Variants in DNAJC11 observed in about 807,000 individuals in gnomAD.
DNAJC11 encodes dnaJ homolog subfamily C member 11.
In DNAJC11, 15 loss-of-function variants were observed where a neutral mutation model predicts 78.6. The observed-to-expected ratio is 0.19, with a 90% CI of 0.13 to 0.29. The LOEUF (loss-of-function observed/expected upper bound fraction) is 0.29. Ranked by LOEUF, DNAJC11 falls within the 10% of genes least tolerant of loss-of-function variation. The pLI, the probability that DNAJC11 is intolerant of heterozygous loss-of-function variation, is 1.00. For synonymous variants in DNAJC11, 292 were observed against 272.1 expected (o/e 1.07, Z -0.72); for missense variants, 547 against 709.6 (o/e 0.77, Z 2.60).
At chr1:6,647,504 C>A (rs894524915) in intron 7 of DNAJC11, among the ~76,000 whole-genome samples, 2 of 152,138 alleles carry the variant, frequency 1.3e-5, no homozygotes, top group Admixed American at 6.6e-5. Flanking sequence ...CCATAACTAA[C>A]CTGGCCACTA....
intron 3 of DNAJC11, among the ~76,000 whole-genome samples, chr1:6,676,362 G>C (rs906503462): frequency 9.2e-5 from 14 of 152,138 alleles, no homozygotes; most frequent in Non-Finnish European, 1.0e-4. Flanking sequence ...TTAGCAACTA[G>C]AATTCACTGT....
Position 6,653,250 on chromosome 1 carries a change from T to C in DNAJC11, c.508-299A>G, listed in dbSNP as rs534934138. ...GTATCAGATAGCACAGTGACTTCAC[T>C]GTGTGCCTTCCCTCTGTGGTTTGCC... On this transcript the variant is annotated intron_variant, in intron 5 of 15. Transcript: ENST00000377577. This position sits in a 1 kb window ranked among gnomAD's most constrained non-coding sequence, Gnocchi z 4.5. Among the ~76,000 whole-genome samples, 1 of 152,310 alleles carries C rather than the reference T, an allele frequency of 6.6e-6. No homozygotes were observed. Among genetic ancestry groups the C allele is most frequent in the Non-Finnish European group, 1.5e-5 (1 of 68,030 alleles).
chr1:6,700,923 A>G (rs1407269318), intron 1 of DNAJC11, among the ~76,000 whole-genome samples: 1 of 152,182 alleles, frequency 6.6e-6, no homozygotes, highest in Non-Finnish European at 1.5e-5. Context: ...CTCGCCCTTC[A>G]CACCTATCTC....
At chr1:6,650,980 C>A (rs183815248) in intron 7 of DNAJC11, 1 of 496,944 alleles carries the variant, frequency 2.0e-6, no homozygotes, top group East Asian at 5.7e-5. Context: ...TCCACCAATT[C>A]TTTTATCTGA....
Position 6,635,436 on chromosome 1 carries a change from G to C in DNAJC11, c.*239C>G, listed in dbSNP as rs1570256977. 4.0e-6 allele frequency: 2 copies of C among 505,966 alleles called. No homozygotes were observed. Among genetic ancestry groups the C allele is most frequent in the South Asian group, 5.2e-5 (2 of 38,792 alleles). 31.3% of individuals were successfully genotyped at this position (505,966 alleles called of 1,614,324 possible). ...CTTCCCTCCAGGAACTGATCCTTGG[G>C]AAAACAGCCATGGGCCAGGCTGCAG... On this transcript the variant is annotated 3_prime_UTR_variant, in exon 16 of 16. Transcript: ENST00000377577.
chr1:6,634,678 C>A lies in DNAJC11; in HGVS notation c.*997G>T, dbSNP rs757828579. 33 of 1,366,194 alleles carry A rather than the reference C, an allele frequency of 2.4e-5. No homozygotes were observed. Among genetic ancestry groups the A allele is most frequent in the Non-Finnish European group, 3.1e-5 (32 of 1,021,788 alleles). 84.6% of individuals were successfully genotyped at this position (1,366,194 alleles called of 1,614,324 possible). On this transcript the variant is annotated 3_prime_UTR_variant, in exon 16 of 16. Coordinates refer to ENST00000377577, the MANE Select transcript of DNAJC11 (RefSeq NM_018198.4). Reference sequence around the variant, plus strand: ...GTCCTAGCTCCGCTGCATTCTGCATCCCAAGTGGGCACGTGGAGGAAGGGT... The same window carrying A: ...GTCCTAGCTCCGCTGCATTCTGCATACCAAGTGGGCACGTGGAGGAAGGGT...
rs1642318349 is a variant in DNAJC11, at chr1:6,667,997, C to T, written c.277-187G>A. 3 of 601,282 alleles carry T rather than the reference C, an allele frequency of 5.0e-6. No homozygotes were observed. The South Asian group carries it at 6.3e-5, about 13-fold the overall frequency. The allele number at this position is 601,282 out of a possible 1,614,324, so 37.2% of individuals were successfully genotyped here. On this transcript the variant is annotated intron_variant, in intron 3 of 15. Coordinates refer to ENST00000377577, the MANE Select transcript of DNAJC11 (RefSeq NM_018198.4). ...TGGCTCAGGCCTGGGTGAGGGAGAG[C>T]TCACTGCCCTCCTGGCCCTTCCCAA...
At chr1:6,642,922 G>A (rs183980293) in intron 10 of DNAJC11, among the ~76,000 whole-genome samples, 3 of 152,336 alleles carry the variant, frequency 2.0e-5, no homozygotes, top group Admixed American at 1.3e-4. Context: ...AGAGCCATGA[G>A]GCTGGACATG....
chr1:6,688,418 T>C (rs1244285864), intron 1 of DNAJC11, among the ~76,000 whole-genome samples: 3 of 152,210 alleles, frequency 2.0e-5, no homozygotes, highest in Admixed American at 6.5e-5. Flanking sequence ...TAGCAAATAC[T>C]TATCCCTTCA....
intron 12 of DNAJC11, 193 bp from the exon 13 acceptor site, chr1:6,637,697 C>T (rs545503599): frequency 1.1e-5 from 7 of 638,212 alleles, no homozygotes; most frequent in Non-Finnish European, 1.9e-5. Context: ...GGGCAGGCAG[C>T]TCTGGGTCAG....
chr1:6,662,066 C>T (rs1242025415), intron 4 of DNAJC11, among the ~76,000 whole-genome samples: 70 of 151,944 alleles, frequency 4.6e-4, no homozygotes, highest in African/African-American at 1.6e-3. Context: ...TTCCTCCTGC[C>T]TCAGCCTCCC....
At position 6,635,493 on chromosome 1, in the gene DNAJC11, C is replaced by G. The variant is rs938250072; in HGVS notation, c.*182G>C. 22 of 652,294 alleles carry G rather than the reference C, an allele frequency of 3.4e-5. No individual in the cohort carries two copies. In the South Asian group the frequency reaches 4.4e-4, roughly 13 times the overall value. 40.4% of individuals were successfully genotyped at this position (652,294 alleles called of 1,614,324 possible). A position where few individuals can be genotyped will look rare whatever the true frequency, so the allele number is the denominator to read the frequency against. ...TCCCAGTGGGGCTGCCTCAGTCCTA[C>G]CCCCAGCACCCTCAAAAGCTGGGGT... is the stretch of plus-strand genomic sequence containing the variant. On this transcript the variant is annotated 3_prime_UTR_variant, in exon 16 of 16. Transcript: ENST00000377577.
chr1:6,656,898 A>G (rs796354258), intron 4 of DNAJC11, among the ~76,000 whole-genome samples: 8 of 152,272 alleles, frequency 5.3e-5, no homozygotes, highest in African/African-American at 1.9e-4. Context: ...CCTGGGTGAT[A>G]GTATGAGACC....
intron 11 of DNAJC11, among the ~76,000 whole-genome samples, chr1:6,638,747 G>A (rs1323616465): frequency 6.6e-6 from 1 of 152,158 alleles, no homozygotes; most frequent in African/African-American, 2.4e-5. Context: ...GGCTAGTCTC[G>A]AACTCCTGGG....
At chr1:6,694,700 T>C (rs1642805151) in intron 1 of DNAJC11, among the ~76,000 whole-genome samples, 1 of 151,162 alleles carries the variant, frequency 6.6e-6, no homozygotes, top group Admixed American at 6.6e-5. Flanking sequence ...GCGCGGTGGC[T>C]CACACCTATA....
At chr1:6,648,934 T>A (rs962682221) in intron 7 of DNAJC11, among the ~76,000 whole-genome samples, 4 of 152,152 alleles carry the variant, frequency 2.6e-5, no homozygotes, top group African/African-American at 9.7e-5. Flanking sequence ...TGTGGAGCTG[T>A]GTTGTGAGCA....
intron 3 of DNAJC11, among the ~76,000 whole-genome samples, chr1:6,673,010 A>C (rs1371232492): frequency 2.0e-5 from 3 of 152,048 alleles, no homozygotes; most frequent in Non-Finnish European, 4.4e-5. Flanking sequence ...AGCCTGGCCA[A>C]CATGGCAAAA....
At chr1:6,636,953 A>G (rs1036174634) in intron 14 of DNAJC11, among the ~76,000 whole-genome samples, 3 of 152,142 alleles carry the variant, frequency 2.0e-5, no homozygotes, top group South Asian at 2.1e-4. Flanking sequence ...GGCTCAACCA[A>G]TCCTTCCGCT....
At position 6,635,651 on chromosome 1, in the gene DNAJC11, TTTAAA is replaced by T. The variant is rs1641751197; in HGVS notation, c.*19_*23del. The T allele has an allele frequency of 2.5e-6, 4 of 1,613,292 alleles. No individual in the cohort carries two copies. The highest frequency in any genetic ancestry group is 3.4e-6 in the Non-Finnish European group (4 of 1,179,660). On this transcript the variant is annotated 3_prime_UTR_variant, in exon 16 of 16. Coordinates refer to ENST00000377577, the MANE Select transcript of DNAJC11 (RefSeq NM_018198.4). ...CCCAGGAAAAGATTTTTTGCGGCCT[TTTAAA>T]AATCTGGTTCTTGGCAGTTTATCCA...
Sources: allele counts gnomAD v4.1 joint callset (sites outside exome capture counted in the v4.1 genomes callset), GRCh38; gene constraint gnomAD v4.1.1; non-coding constraint Gnocchi (gnomAD v3.1); transcripts MANE v1.5; gene names NCBI Gene and HGNC (gene_info 2026-07-23, HGNC 2026-07-21).